The following GPR137B variants were observed in gnomAD, a reference collection of about 807,000 sequenced individuals.
GPR137B encodes G protein-coupled receptor 137B.
GPR137B carries 42 observed loss-of-function variants against 42.5 expected under a neutral mutation model. The observed-to-expected ratio is 0.99, with a 90% CI of 0.77 to 1.28. The LOEUF (loss-of-function observed/expected upper bound fraction) is 1.28. Ranked by LOEUF, GPR137B falls within the 50% of genes most tolerant of loss-of-function variation. The pLI, the probability that GPR137B is intolerant of heterozygous loss-of-function variation, is 0.00. For synonymous variants in GPR137B, 218 were observed against 209.7 expected (o/e 1.04, Z -0.34); for missense variants, 487 against 493.9 (o/e 0.99, Z 0.13).
chr1:236,191,962 A>G (rs566381259), intron 5 of GPR137B, among the ~76,000 whole-genome samples: 3 of 152,196 alleles, frequency 2.0e-5, no homozygotes, highest in South Asian at 2.1e-4. Flanking sequence ...TCCCAGGGAG[A>G]TGGGGGTTTT....
intron 4 of GPR137B, among the ~76,000 whole-genome samples, chr1:236,181,202 C>G (rs1409345475): frequency 6.6e-6 from 1 of 152,042 alleles, no homozygotes; most frequent in Non-Finnish European, 1.5e-5. Flanking sequence ...TTTAAAAATA[C>G]ATTCTATAAA....
chr1:236,186,337 A>G (rs1663038063), intron 5 of GPR137B, among the ~76,000 whole-genome samples: 1 of 113,696 alleles, frequency 8.8e-6, no homozygotes, highest in Admixed American at 1.3e-4. Flanking sequence ...ATATAATTAT[A>G]TATATTATAT....
At position 236,142,640 on chromosome 1, in the gene GPR137B, C is replaced by T. The variant is rs1380448727; in HGVS notation, c.18C>T (p.Pro6=). ...GAGCCCCGATGAGGCCCGAGCGTCC[C>T]CGGCCGCGCGGCAGCGCCCCCGGCC... MRPER[P]RPRGSAPGPM... is the part of the protein sequence containing the mutation. The change falls in exon 1 of 7, where the codon CCC becomes CCT. Residue 6 remains proline, a synonymous_variant. Transcript: ENST00000366592. 6.7e-7 allele frequency: 1 copy of T among 1,491,692 alleles called. No homozygotes were observed. The allele number at this position is 1,491,692 out of a possible 1,614,324, so 92.4% of individuals were successfully genotyped here. A position where few individuals can be genotyped will look rare whatever the true frequency, so the allele number is the denominator to read the frequency against.
intron 5 of GPR137B, among the ~76,000 whole-genome samples, chr1:236,201,737 C>T (rs1292003615): frequency 6.6e-6 from 1 of 151,926 alleles, no homozygotes; most frequent in East Asian, 1.9e-4. Flanking sequence ...AATAATCAAC[C>T]TTCTTAATTA....
chr1:236,176,505 C>T (rs2102908854), intron 2 of GPR137B, among the ~76,000 whole-genome samples: 1 of 152,188 alleles, frequency 6.6e-6, no homozygotes, highest in South Asian at 2.1e-4. Context: ...CCCGGGCTGC[C>T]TCATCTTCAT....
At position 236,156,056 on chromosome 1, in the gene GPR137B, C is replaced by T. The variant is rs1040184543; in HGVS notation, c.415-12650C>T. On this transcript the variant is annotated intron_variant, in intron 1 of 6. Coordinates refer to ENST00000366592, the MANE Select transcript of GPR137B (RefSeq NM_003272.4). This position sits in a 1 kb window ranked among gnomAD's most constrained non-coding sequence, Gnocchi z 4.8. Reference sequence around the variant, plus strand: ...AGGTGAGCCAAACAGGACCATGCAGCGGAGCTCTCAGGAGGGCTGGAGAAG... The same window carrying T: ...AGGTGAGCCAAACAGGACCATGCAGTGGAGCTCTCAGGAGGGCTGGAGAAG... 6.6e-6 allele frequency among the ~76,000 whole-genome samples: 1 copy of T among 152,166 alleles called. No individual in the cohort carries two copies. Among genetic ancestry groups the T allele is most frequent in the African/African-American group, 2.4e-5 (1 of 41,436 alleles).
intron 1 of GPR137B, among the ~76,000 whole-genome samples, chr1:236,147,438 C>G (rs1366451105): frequency 6.6e-6 from 1 of 152,252 alleles, no homozygotes; most frequent in Non-Finnish European, 1.5e-5. Flanking sequence ...GGCTTTAGGC[C>G]CCTTTTCGAA....
At chr1:236,146,819 G>A (rs142140503) in intron 1 of GPR137B, among the ~76,000 whole-genome samples, 70 of 152,182 alleles carry the variant, frequency 4.6e-4, no homozygotes, top group African/African-American at 1.6e-3. Flanking sequence ...AGTCATACTC[G>A]GTAATTATTA....
intron 5 of GPR137B, among the ~76,000 whole-genome samples, chr1:236,195,118 A>G (rs1663296029): frequency 6.6e-6 from 1 of 152,110 alleles, no homozygotes; most frequent in Admixed American, 6.5e-5. Flanking sequence ...AAACAATCCA[A>G]TCACACTCTT....
chr1:236,161,261 C>T (rs949376070), intron 1 of GPR137B, among the ~76,000 whole-genome samples: 11 of 152,114 alleles, frequency 7.2e-5, no homozygotes, highest in Admixed American at 1.3e-4. Flanking sequence ...CGAAGCTCTC[C>T]GCACCCTTAC....
intron 2 of GPR137B, among the ~76,000 whole-genome samples, chr1:236,174,516 CTG>C (rs1662629542): frequency 1.3e-5 from 2 of 152,140 alleles, no homozygotes; most frequent in Non-Finnish European, 2.9e-5. Context: ...AGGCATGAGA[CTG>C]TGTGAGGCTG....
At chr1:236,189,187 G>C (rs1663117598) in intron 5 of GPR137B, among the ~76,000 whole-genome samples, 1 of 151,916 alleles carries the variant, frequency 6.6e-6, no homozygotes, top group Admixed American at 6.6e-5. Flanking sequence ...ATTTTTTATT[G>C]CGTCTATTTG....
rs77650397 is a variant in GPR137B, at chr1:236,157,727, C to T, written c.415-10979C>T. Among the ~76,000 whole-genome samples, 905 of 152,280 alleles carry T rather than the reference C, an allele frequency of 5.9e-3. 11 individuals are homozygous for T. Among genetic ancestry groups the T allele is most frequent in the African/African-American group, 0.02 (837 of 41,550 alleles). On this transcript the variant is annotated intron_variant, in intron 1 of 6. Coordinates refer to ENST00000366592, the MANE Select transcript of GPR137B (RefSeq NM_003272.4). ...TGGTCCTCCTTATATTCAGGTTTTA[C>T]GTCCTGAGAACATCGTAGTTTTGAT...
chr1:236,183,450 A>C (rs914994521), intron 4 of GPR137B, among the ~76,000 whole-genome samples: 2 of 152,174 alleles, frequency 1.3e-5, no homozygotes, highest in Non-Finnish European at 2.9e-5. Flanking sequence ...GAAATATTAA[A>C]ACATCAGAGG....
rs1197376023 is a variant in GPR137B, at chr1:236,142,750, T to C, written c.128T>C (p.Leu43Pro). ...CCGGCCGTGCCCCCCTACGTGAAGC[T>C]TGGCCTCACCGTCGTCTACACCGTG... ...LTPAVPPYVK[L>P]GLTVVYTVFY... The change falls in exon 1 of 7, where the codon CTT (leucine) becomes CCT (proline). Residue 43 changes from leucine (L) to proline (P), a missense_variant. Coordinates refer to ENST00000366592, the MANE Select transcript of GPR137B (RefSeq NM_003272.4). 1.4e-5 allele frequency: 23 copies of C among 1,609,098 alleles called. No homozygotes were observed. Among genetic ancestry groups the C allele is most frequent in the Non-Finnish European group, 2.0e-5 (23 of 1,178,350 alleles).
Position 236,156,554 on chromosome 1 carries a change from C to T in GPR137B, c.415-12152C>T, listed in dbSNP as rs188104271. Reference sequence around the variant, plus strand: ...CATCCTAACGCAGGCATAGAGGCCCCGCCCTTGCTCGCACTGTCTTGGAGA... The same window carrying T: ...CATCCTAACGCAGGCATAGAGGCCCTGCCCTTGCTCGCACTGTCTTGGAGA... On this transcript the variant is annotated intron_variant, in intron 1 of 6. Transcript: ENST00000366592. The surrounding 1 kb of genome is among the most constrained non-coding windows in gnomAD (Gnocchi z 4.8). 5.9e-5 allele frequency among the ~76,000 whole-genome samples: 9 copies of T among 152,324 alleles called. No individual in the cohort carries two copies. The highest frequency in any genetic ancestry group is 2.1e-4 in the South Asian group (1 of 4,820).
chr1:236,188,304 A>G (rs1663091044), intron 5 of GPR137B, among the ~76,000 whole-genome samples: 1 of 152,126 alleles, frequency 6.6e-6, no homozygotes, highest in African/African-American at 2.4e-5. Flanking sequence ...CTATTTCAAT[A>G]TGCTTTCTTT....
chr1:236,196,161 A>G (rs1663325251), intron 5 of GPR137B, among the ~76,000 whole-genome samples: 1 of 152,042 alleles, frequency 6.6e-6, no homozygotes, highest in Non-Finnish European at 1.5e-5. Flanking sequence ...TATTTTTGAG[A>G]TGGAGTCTTG....
At chr1:236,152,268 C>T (rs978524680) in intron 1 of GPR137B, among the ~76,000 whole-genome samples, 2 of 151,674 alleles carry the variant, frequency 1.3e-5, no homozygotes, top group African/African-American at 2.4e-5. Context: ...TCAAGACTAT[C>T]CTGGGCAATA....
Sources: gnomAD v4.1 joint callset for allele counts (sites outside exome capture counted in the v4.1 genomes callset) on GRCh38, gnomAD v4.1.1 for gene constraint, Gnocchi (gnomAD v3.1) non-coding constraint, MANE v1.5 for transcripts, NCBI Gene and HGNC (gene_info 2026-07-23, HGNC 2026-07-21) for gene names.